The following DTWD2 variants were observed in gnomAD, a reference collection of about 807,000 sequenced individuals.
DTWD2 encodes the protein DTW motif tRNA-uridine aminocarboxypropyltransferase 2.
A neutral mutation model predicts 31.8 loss-of-function variants in DTWD2; 39 were observed. The observed-to-expected ratio is 1.22, with a 90% CI of 0.95 to 1.60. The LOEUF is 1.60. DTWD2 is among the 40% of genes most tolerant of loss of function. The pLI is 0.00. For synonymous variants in DTWD2, 180 were observed against 142.8 expected (o/e 1.26, Z -1.86); for missense variants, 515 against 381.5 (o/e 1.35, Z -2.92).
intron 4 of DTWD2, among the ~76,000 whole-genome samples, chr5:118,921,377 T>C (rs556241812): frequency 9.2e-5 from 14 of 151,850 alleles, no homozygotes; most frequent in African/African-American, 3.4e-4. Flanking sequence ...TAGTCAGGTG[T>C]GGTGGTACAC....
chr5:118,850,341 T>C (rs1375125071), intron 4 of DTWD2, among the ~76,000 whole-genome samples: 1 of 145,624 alleles, frequency 6.9e-6, no homozygotes, highest in African/African-American at 2.5e-5. Context: ...TTGCCAGGTG[T>C]GGTGCATGCG....
chr5:118,898,033 T>G (rs114556328), intron 4 of DTWD2, among the ~76,000 whole-genome samples: 4,236 of 151,720 alleles, frequency 0.028, 100 homozygotes, highest in Non-Finnish European at 0.047. Context: ...CCAGCTAATT[T>G]TTTAAACTTT....
chr5:118,859,780 CCTGA>C (rs1388606143), intron 4 of DTWD2, among the ~76,000 whole-genome samples: 2 of 152,098 alleles, frequency 1.3e-5, no homozygotes, highest in African/African-American at 2.4e-5. Context: ...TTTTGGTTTG[CCTGA>C]CTACCACTTT....
rs1354701709 is a variant in DTWD2, at chr5:118,841,086, G to A, written c.728C>T (p.Thr243Ile). Residue 243 changes from threonine (T) to isoleucine (I), a missense_variant and splice_region_variant, in exon 6 of 6, where the codon ACT becomes ATT. Transcript: ENST00000510708. ...ILEKNNYIQE[T>I]LLRPLQALCS... is the part of the protein sequence containing the mutation. ...TAAAGCTTGAAGAGGGCGAAGCAAA[G>A]TCTGTCAAGAGAAAAAAGACACTAA... 1 of 1,607,554 alleles carries A rather than the reference G, an allele frequency of 6.2e-7. No homozygotes were observed. The highest frequency in any genetic ancestry group is 2.3e-5 in the East Asian group (1 of 44,426).
chr5:118,896,078 G>C (rs1753078420), intron 4 of DTWD2, among the ~76,000 whole-genome samples: 1 of 152,054 alleles, frequency 6.6e-6, no homozygotes, highest in South Asian at 2.1e-4. Flanking sequence ...ATTCACTCAG[G>C]AGTCCTGAAC....
chr5:118,919,782 A>G (rs1479448820), intron 4 of DTWD2, among the ~76,000 whole-genome samples: 1 of 152,154 alleles, frequency 6.6e-6, no homozygotes, highest in Non-Finnish European at 1.5e-5. Flanking sequence ...GCTTATATTG[A>G]ACCAAAGATC....
chr5:118,987,396 G>C (rs1281349848), intron 1 of DTWD2, among the ~76,000 whole-genome samples: 2 of 152,158 alleles, frequency 1.3e-5, no homozygotes, highest in African/African-American at 4.8e-5. Flanking sequence ...TGTCCAAAGT[G>C]TGATACTCCA....
chr5:118,973,940 G>C (rs1234010227), intron 1 of DTWD2: 3 of 1,591,886 alleles, frequency 1.9e-6, no homozygotes, highest in Admixed American at 1.7e-5. Context: ...GCAGGAGGCT[G>C]ACAATGAGGT....
intron 1 of DTWD2, chr5:118,988,002 C>T: frequency 1.5e-6 from 1 of 681,696 alleles, no homozygotes; most frequent in Non-Finnish European, 2.7e-6. Context: ...GTCATCACCC[C>T]TTACTTCCCC....
intron 4 of DTWD2, among the ~76,000 whole-genome samples, chr5:118,852,219 T>C (rs573937063): frequency 6.6e-6 from 1 of 152,292 alleles, no homozygotes; most frequent in East Asian, 1.9e-4. Flanking sequence ...CTAAAATCAC[T>C]GTTATTCTGT....
chr5:118,885,604 A>G (rs1217218052), intron 4 of DTWD2, among the ~76,000 whole-genome samples: 4 of 151,742 alleles, frequency 2.6e-5, no homozygotes, highest in Admixed American at 2.6e-4. Context: ...CGTCTCTACT[A>G]AAAATACAAA....
intron 4 of DTWD2, among the ~76,000 whole-genome samples, chr5:118,926,573 G>A (rs1274353029): frequency 2.6e-5 from 4 of 152,204 alleles, no homozygotes; most frequent in East Asian, 3.9e-4. Context: ...TAATCCATGG[G>A]TAGAAAGAAA....
chr5:118,845,666 G>T (rs902779472), intron 5 of DTWD2, among the ~76,000 whole-genome samples: 3 of 152,072 alleles, frequency 2.0e-5, no homozygotes, highest in Non-Finnish European at 4.4e-5. Context: ...CAGAATGAGG[G>T]CTCTAAGACC....
At chr5:118,927,599 T>C (rs1365439160) in intron 4 of DTWD2, among the ~76,000 whole-genome samples, 10 of 152,086 alleles carry the variant, frequency 6.6e-5, no homozygotes, top group Admixed American at 6.6e-4. Context: ...TTTAAGACTG[T>C]ATATAAGTAT....
At position 118,838,491 on chromosome 5, in the gene DTWD2, C is replaced by G. The variant is rs1300543157; in HGVS notation, c.*2426G>C. 1 of 152,116 alleles carries G rather than the reference C, an allele frequency of 6.6e-6. No homozygotes were observed. Among genetic ancestry groups the G allele is most frequent in the African/African-American group, 2.4e-5 (1 of 41,416 alleles). The allele number at this position is 152,116 out of a possible 1,614,324, so 9.4% of individuals were successfully genotyped here. Reference sequence around the variant, plus strand: ...TGATTAATTTTTCAATTAAAATACTCAGATAATACTACACACTTGAGAACT... The same window carrying G: ...TGATTAATTTTTCAATTAAAATACTGAGATAATACTACACACTTGAGAACT... On this transcript the variant is annotated 3_prime_UTR_variant, in exon 6 of 6. Transcript: ENST00000510708.
At position 118,988,500 on chromosome 5, in the gene DTWD2, C is replaced by T; in HGVS notation, c.12G>A (p.Gln4=). ...GCTCCTGGAGTGTTCGTGCCTCTTT[C>T]TGCGACTCCATGGCGGACACTCCGG... MES[Q]KEARTLQEPV... is the part of the protein sequence containing the mutation. The change falls in exon 1 of 6, where the codon CAG becomes CAA. Residue 4 remains glutamine (Q), a synonymous_variant. Transcript: ENST00000510708. 1.3e-6 allele frequency: 2 copies of T among 1,576,790 alleles called. No homozygotes were observed. The highest frequency in any genetic ancestry group is 1.7e-6 in the Non-Finnish European group (2 of 1,163,880).
At chr5:118,981,838 G>A (rs1234115327) in intron 1 of DTWD2, among the ~76,000 whole-genome samples, 2 of 152,146 alleles carry the variant, frequency 1.3e-5, no homozygotes, top group African/African-American at 2.4e-5. Context: ...AAATACCCAT[G>A]GCCAAAGGTA....
chr5:118,896,491 A>G (rs538815761), intron 4 of DTWD2, among the ~76,000 whole-genome samples: 3 of 152,158 alleles, frequency 2.0e-5, no homozygotes, highest in Non-Finnish European at 4.4e-5. Flanking sequence ...TAATTCTCTT[A>G]CAAACATAAG....
At chr5:118,860,145 A>G (rs914621655) in intron 4 of DTWD2, among the ~76,000 whole-genome samples, 1 of 150,116 alleles carries the variant, frequency 6.7e-6, no homozygotes, top group Admixed American at 6.7e-5. Flanking sequence ...ATATATATAA[A>G]TATATGTTAT....
Sources: gnomAD v4.1 joint callset for allele counts (sites outside exome capture counted in the v4.1 genomes callset) on GRCh38, gnomAD v4.1.1 for gene constraint, MANE v1.5 for transcripts, NCBI Gene and HGNC (gene_info 2026-07-23, HGNC 2026-07-21) for gene names.